Variants in IQSEC1 observed in about 807,000 individuals in gnomAD.
IQSEC1 encodes IQ motif and Sec7 domain ArfGEF 1.
IQSEC1 carries 31 observed loss-of-function variants against 91.0 expected under a neutral mutation model. The observed-to-expected ratio is 0.34, with a 90% CI of 0.26 to 0.46. The LOEUF (loss-of-function observed/expected upper bound fraction) is 0.46, where lower values mean the gene tolerates loss of function less well. IQSEC1 is among the 20% of genes least tolerant of loss of function. The pLI is 1.00. For synonymous variants in IQSEC1, 699 were observed against 662.6 expected, an observed-to-expected ratio of 1.05 and a Z score of -0.84; for missense variants, 1,388 against 1,575.6, an observed-to-expected ratio of 0.88 and a Z score of 2.02.
intron 1 of IQSEC1, among the ~76,000 whole-genome samples, chr3:13,227,682 G>A (rs890700379): frequency 5.3e-5 from 8 of 152,160 alleles, no homozygotes; most frequent in Non-Finnish European, 8.8e-5. Flanking sequence ...TGGCAGTGCC[G>A]GGGCCAGGTG....
chr3:13,046,249 T>C (rs1424336676), intron 1 of IQSEC1, among the ~76,000 whole-genome samples: 1 of 152,240 alleles, frequency 6.6e-6, no homozygotes, highest in Admixed American at 6.5e-5. Context: ...GAAGTACTGT[T>C]ATGATGATAT....
chr3:12,909,499 C>G lies in IQSEC1; in HGVS notation c.2417-65G>C. 1 of 1,498,672 alleles carries G rather than the reference C, an allele frequency of 6.7e-7. No homozygotes were observed. 92.8% of individuals were successfully genotyped at this position (1,498,672 alleles called of 1,614,324 possible). A position where few individuals can be genotyped will look rare whatever the true frequency, so the allele number is the denominator to read the frequency against. On this transcript the variant is annotated intron_variant, in intron 10 of 13. Coordinates refer to ENST00000613206, the MANE Select transcript of IQSEC1 (RefSeq NM_001134382.3). This position sits in a 1 kb window ranked among gnomAD's most constrained non-coding sequence, Gnocchi z 4.9. ...CAGTGTGTTCTCTGCAATCTCCTCT[C>G]TGGTCAGGAAACAATGGTAGGGCTG...
intron 1 of IQSEC1, among the ~76,000 whole-genome samples, chr3:13,252,132 C>T (rs1021404074): frequency 2.0e-5 from 3 of 152,176 alleles, no homozygotes; most frequent in Non-Finnish European, 2.9e-5. Context: ...CCATCACTAC[C>T]ATCCATCTCC....
chr3:12,967,757 G>A lies in IQSEC1; in HGVS notation c.24-25892C>T, dbSNP rs1337877991. On this transcript the variant is annotated intron_variant, in intron 1 of 13. Transcript: ENST00000613206. This position sits in a 1 kb window ranked among gnomAD's most constrained non-coding sequence, Gnocchi z 5.9. ...GGCGGGGCAGGGCGGGGGCGGGGCC[G>A]GAGGGCGAGCTGGGGGCGGGGCCGG... The A allele has an allele frequency of 3.0e-6, 3 of 1,000,438 alleles. No homozygotes were observed. The highest frequency in any genetic ancestry group is 3.6e-6 in the Non-Finnish European group (3 of 831,272). 62.0% of individuals were successfully genotyped at this position (1,000,438 alleles called of 1,614,324 possible). A position where few individuals can be genotyped will look rare whatever the true frequency, so the allele number is the denominator to read the frequency against.
intron 2 of IQSEC1, among the ~76,000 whole-genome samples, chr3:13,152,960 G>C (rs1190273045): frequency 1.3e-5 from 2 of 152,118 alleles, no homozygotes; most frequent in Non-Finnish European, 2.9e-5. Context: ...CCCTAAGCAA[G>C]TCCTGTAGGG....
chr3:13,137,406 A>G lies in IQSEC1; in HGVS notation c.302+26698T>C, dbSNP rs143964982. Among the ~76,000 whole-genome samples, 395 of 152,336 alleles carry G rather than the reference A, an allele frequency of 2.6e-3. 5 individuals are homozygous for G. Among genetic ancestry groups the G allele is most frequent in the African/African-American group, 8.9e-3 (371 of 41,578 alleles). ...ATGGATAAAGCTTAGAAACAATACA[A>G]TGTTAGGTGGAAAATGCCAATCTTA... is the stretch of plus-strand genomic sequence containing the variant. On this transcript the variant is annotated intron_variant, in intron 2 of 15. Coordinates refer to the IQSEC1 transcript ENST00000648114.
At chr3:13,055,501 T>G (rs371268338) in intron 1 of IQSEC1, among the ~76,000 whole-genome samples, 1 of 152,322 alleles carries the variant, frequency 6.6e-6, no homozygotes, top group Non-Finnish European at 1.5e-5. Flanking sequence ...ACAGGAGATA[T>G]TCTCCTCCCC....
At chr3:12,933,338 G>C (rs1697868820) in intron 3 of IQSEC1, among the ~76,000 whole-genome samples, 1 of 152,190 alleles carries the variant, frequency 6.6e-6, no homozygotes, top group Admixed American at 6.5e-5. Flanking sequence ...GAAGCAACTG[G>C]CCAAATAACC....
intron 1 of IQSEC1, among the ~76,000 whole-genome samples, chr3:13,043,428 AC>A (rs1052916287): frequency 6.6e-6 from 1 of 151,344 alleles, no homozygotes; most frequent in African/African-American, 2.4e-5. Flanking sequence ...AGCCACCCTC[AC>A]CCCCATGAAT....
At chr3:13,239,158 A>C (rs771893718) in intron 1 of IQSEC1, among the ~76,000 whole-genome samples, 1 of 152,242 alleles carries the variant, frequency 6.6e-6, no homozygotes, top group Non-Finnish European at 1.5e-5. Flanking sequence ...GGTTGCACTA[A>C]ATTAAAACTG....
intron 2 of IQSEC1, among the ~76,000 whole-genome samples, chr3:13,152,791 A>C (rs1392192569): frequency 6.6e-6 from 1 of 152,136 alleles, no homozygotes; most frequent in South Asian, 2.1e-4. Flanking sequence ...AATCGCTTGA[A>C]CCTGGGAGGC....
In IQSEC1 at chr3:12,992,027, C is replaced by T. The variant is rs929616299; in HGVS notation, c.24-50162G>A. Among the ~76,000 whole-genome samples the T allele has an allele frequency of 6.6e-6, 1 of 152,204 alleles. No individual in the cohort carries two copies. The highest frequency in any genetic ancestry group is 1.5e-5 in the Non-Finnish European group (1 of 68,038). ...AAACCGTGCAGGAGACAGTCCCCTG[C>T]AGAGGTGAGCACAGGCCCCCTCCCT... On this transcript the variant is annotated intron_variant, in intron 1 of 13. Transcript: ENST00000613206. The surrounding 1 kb of genome is among the most constrained non-coding windows in gnomAD (Gnocchi z 4.1).
At chr3:12,927,410 C>T (rs1697247621) in intron 3 of IQSEC1, among the ~76,000 whole-genome samples, 1 of 135,186 alleles carries the variant, frequency 7.4e-6, no homozygotes, top group East Asian at 2.0e-4. Context: ...GGTGCATGCT[C>T]TAACTCCACC....
At chr3:13,046,058 T>G (rs361006) in intron 1 of IQSEC1, among the ~76,000 whole-genome samples, 146,671 of 152,356 alleles carry the variant, frequency 0.96, 70,631 homozygotes, top group East Asian at 1. Flanking sequence ...GAGGAACTAC[T>G]AGTATGAGGG....
intron 2 of IQSEC1, among the ~76,000 whole-genome samples, chr3:13,128,478 G>C (rs150584628): frequency 9.7e-4 from 147 of 152,232 alleles, no homozygotes; most frequent in African/African-American, 3.5e-3. Flanking sequence ...TTTAAATACT[G>C]AACTAGCCTT....
intron 1 of IQSEC1, among the ~76,000 whole-genome samples, chr3:12,958,514 C>A (rs961410577): frequency 1.3e-5 from 2 of 152,212 alleles, no homozygotes; most frequent in African/African-American, 4.8e-5. Context: ...GCCTGTCACC[C>A]AGGAAAAGCA....
In IQSEC1 at chr3:13,220,721, T is replaced by C. The variant is rs1375164225; in HGVS notation, c.273-56588A>G. 3.9e-5 allele frequency among the ~76,000 whole-genome samples: 6 copies of C among 152,330 alleles called. No homozygotes were observed. The East Asian group carries it at 1.2e-3, about 29-fold the overall frequency. ...GACATTCCGAGGTGCACGTCGACCCTTGCAGAGGACAGCCAGCACCCCAAG... is the reference window on the plus strand; with the variant it reads ...GACATTCCGAGGTGCACGTCGACCCCTGCAGAGGACAGCCAGCACCCCAAG... On this transcript the variant is annotated intron_variant, in intron 1 of 15. Transcript: ENST00000648114.
Position 12,962,797 on chromosome 3 carries a change from G to A in IQSEC1, c.24-20932C>T, listed in dbSNP as rs542275711. On this transcript the variant is annotated intron_variant, in intron 1 of 13. Transcript: ENST00000613206. ...GAATCCTGCCGGAGAGTCTGGGGAT[G>A]CAGCTCTTGGGTTCTGTGGGGAAAG... 7.2e-4 allele frequency among the ~76,000 whole-genome samples: 109 copies of A among 152,360 alleles called. No individual in the cohort carries two copies. In the Middle Eastern group the frequency reaches 0.014, roughly 19 times the overall value.
intron 1 of IQSEC1, among the ~76,000 whole-genome samples, chr3:13,194,194 G>T (rs1275440646): frequency 6.6e-6 from 1 of 152,178 alleles, no homozygotes; most frequent in African/African-American, 2.4e-5. Context: ...GGGGGTTAGG[G>T]CTTCAGCCTA....
Sources: allele counts gnomAD v4.1 joint callset (sites outside exome capture counted in the v4.1 genomes callset), GRCh38; gene constraint gnomAD v4.1.1; non-coding constraint Gnocchi (gnomAD v3.1); transcripts MANE v1.5; gene names NCBI Gene and HGNC (gene_info 2026-07-23, HGNC 2026-07-21).